FGF12: variants seen among roughly 807,000 people sequenced by gnomAD.
FGF12 encodes the protein fibroblast growth factor 12B.
In FGF12, 14 loss-of-function variants were observed where a neutral mutation model predicts 23.6. The ratio of observed to expected loss-of-function variants is 0.59; its 90% CI spans 0.39 to 0.93. The LOEUF (loss-of-function observed/expected upper bound fraction) is 0.93, where lower values mean the gene tolerates loss of function less well. Among genes scored for constraint, FGF12 ranks in the 40% least tolerant of loss-of-function variants. FGF12 has a pLI of 0.00. For synonymous variants in FGF12, 62 were observed against 77.3 expected (o/e 0.80, Z 1.04); for missense variants, 175 against 217.8 (o/e 0.80, Z 1.24).
chr3:192,430,819 C>G (rs2108790103), intron 2 of FGF12, among the ~76,000 whole-genome samples: 1 of 152,270 alleles, frequency 6.6e-6, no homozygotes, highest in South Asian at 2.1e-4. Flanking sequence ...GACATGACTC[C>G]TGTTGATACG....
chr3:192,452,884 C>T (rs900641912), intron 2 of FGF12, among the ~76,000 whole-genome samples: 1 of 152,184 alleles, frequency 6.6e-6, no homozygotes, highest in African/African-American at 2.4e-5. Flanking sequence ...CTTCACTATA[C>T]TTTCTTTGAC....
intron 4 of FGF12, among the ~76,000 whole-genome samples, chr3:192,277,407 A>G (rs539689055): frequency 6.6e-6 from 1 of 152,328 alleles, no homozygotes; most frequent in East Asian, 1.9e-4. Flanking sequence ...GTCCATATGC[A>G]TAACTGCTGT....
At chr3:192,368,154 T>C (rs983925171) in intron 2 of FGF12, among the ~76,000 whole-genome samples, 6 of 151,810 alleles carry the variant, frequency 4.0e-5, no homozygotes, top group Non-Finnish European at 5.9e-5. Context: ...CAGACTTTCA[T>C]GGGATGATTT....
intron 2 of FGF12, among the ~76,000 whole-genome samples, chr3:192,478,317 T>C (rs1472859653): frequency 1.3e-5 from 2 of 152,142 alleles, no homozygotes; most frequent in East Asian, 1.9e-4. Flanking sequence ...AATTTACTTA[T>C]AGTCTTACAG....
chr3:192,179,806 G>A (rs527580061), intron 4 of FGF12, among the ~76,000 whole-genome samples: 6 of 152,050 alleles, frequency 3.9e-5, no homozygotes, highest in African/African-American at 7.2e-5. Context: ...TTGGCCTCCC[G>A]GGGTGCTGGG....
chr3:192,642,641 A>T (rs1013439418), intron 2 of FGF12, among the ~76,000 whole-genome samples: 1 of 152,246 alleles, frequency 6.6e-6, no homozygotes. Context: ...AACTAAGATG[A>T]TCAAGTGAAA....
At chr3:192,702,891 C>T (rs977379269) in intron 2 of FGF12, among the ~76,000 whole-genome samples, 1 of 152,136 alleles carries the variant, frequency 6.6e-6, no homozygotes, top group Non-Finnish European at 1.5e-5. Context: ...TAACTATCCA[C>T]CTTAATTATT....
At chr3:192,617,483 A>G (rs1041587232) in intron 2 of FGF12, among the ~76,000 whole-genome samples, 1 of 152,072 alleles carries the variant, frequency 6.6e-6, no homozygotes, top group African/African-American at 2.4e-5. Flanking sequence ...CTCCAACTTG[A>G]CCATTCTGGT....
At chr3:192,719,970 G>T (rs1171560217) in intron 2 of FGF12, among the ~76,000 whole-genome samples, 1 of 152,212 alleles carries the variant, frequency 6.6e-6, no homozygotes, top group Non-Finnish European at 1.5e-5. Context: ...CCTGTTTCAC[G>T]TGGGTGATAA....
At position 192,158,447 on chromosome 3, in the gene FGF12, TTC is replaced by T. The variant is rs1714640734; in HGVS notation, c.427+12009_427+12010del. ...TTTTTCTTTTTTCTTTCTTTCTTTC[TTC>T]TTTTTTCTTGCTTTCTTGCTCTTTG... On this transcript the variant is annotated intron_variant, in intron 5 of 5. Coordinates refer to ENST00000445105, the MANE Select transcript of FGF12 (RefSeq NM_004113.6). Among the ~76,000 whole-genome samples, 4 of 118,836 alleles carry T rather than the reference TTC, an allele frequency of 3.4e-5. No individual in the cohort carries two copies. The South Asian group carries it at 1.2e-3, about 36-fold the overall frequency. 78.0% of individuals were successfully genotyped at this position (118,836 alleles called of 152,430 possible).
At chr3:192,503,644 C>T (rs1447900445) in intron 2 of FGF12, among the ~76,000 whole-genome samples, 10 of 140,290 alleles carry the variant, frequency 7.1e-5, no homozygotes, top group African/African-American at 2.2e-4. Context: ...CTCACTCTGT[C>T]ACCCAGGCTG....
chr3:192,517,882 A>G (rs1237146986), intron 2 of FGF12, among the ~76,000 whole-genome samples: 9 of 152,296 alleles, frequency 5.9e-5, no homozygotes, highest in African/African-American at 2.2e-4. Flanking sequence ...ACAATTAGGC[A>G]CACAGAGTAC....
intron 2 of FGF12, among the ~76,000 whole-genome samples, chr3:192,535,606 G>C (rs1725205851): frequency 6.6e-6 from 1 of 152,144 alleles, no homozygotes; most frequent in Admixed American, 6.6e-5. Flanking sequence ...AGAGAACAAG[G>C]ATAGCTGTAC....
At chr3:192,402,326 C>T (rs1244622515) in intron 2 of FGF12, among the ~76,000 whole-genome samples, 1 of 152,224 alleles carries the variant, frequency 6.6e-6, no homozygotes, top group East Asian at 1.9e-4. Flanking sequence ...GCAGGAACAT[C>T]CGAGCCAGGA....
chr3:192,402,373 T>A (rs1299901256), intron 2 of FGF12, among the ~76,000 whole-genome samples: 4 of 152,218 alleles, frequency 2.6e-5, no homozygotes, highest in Admixed American at 2.0e-4. Context: ...GCCATGGGAC[T>A]GCTTCTTCAG....
intron 5 of FGF12, among the ~76,000 whole-genome samples, chr3:192,165,241 C>T (rs1038593567): frequency 1.3e-5 from 2 of 151,926 alleles, no homozygotes; most frequent in African/African-American, 2.4e-5. Flanking sequence ...AGGTATGAGC[C>T]ACTGCGTCTG....
At position 192,664,594 on chromosome 3, in the gene FGF12, C is replaced by CAAAAAAAAAAAAAAAAAAA. The variant is rs1482447213; in HGVS notation, c.13+62586_13+62587insTTTTTTTTTTTTTTTTTTT. Among the ~76,000 whole-genome samples the CAAAAAAAAAAAAAAAAAAA allele has an allele frequency of 1.3e-3, 128 of 96,894 alleles. 14 individuals carry two copies. The highest frequency in any genetic ancestry group is 2.3e-3 in the African/African-American group (54 of 23,002). 63.6% of individuals were successfully genotyped at this position (96,894 alleles called of 152,430 possible). A position where few individuals can be genotyped will look rare whatever the true frequency, so the allele number is the denominator to read the frequency against. ...TGAAACCCTGTCTCTACTAAAAATA[C>CAAAAAAAAAAAAAAAAAAA]AAAAAAAATACAAAAAAAAAAAAAA... On this transcript the variant is annotated intron_variant, in intron 2 of 5. Transcript: ENST00000445105.
chr3:192,165,118 T>A (rs960801674), intron 5 of FGF12, among the ~76,000 whole-genome samples: 7 of 152,024 alleles, frequency 4.6e-5, no homozygotes, highest in Admixed American at 4.6e-4. Context: ...CACACCTGGC[T>A]AATTTTCATA....
intron 2 of FGF12, among the ~76,000 whole-genome samples, chr3:192,684,579 T>C (rs1201076861): frequency 1.3e-5 from 2 of 152,134 alleles, no homozygotes; most frequent in African/African-American, 2.4e-5. Context: ...AGAGGTGACA[T>C]ATGTTAAACT....
Sources: allele counts gnomAD v4.1 joint callset (sites outside exome capture counted in the v4.1 genomes callset), GRCh38; gene constraint gnomAD v4.1.1; transcripts MANE v1.5; gene names NCBI Gene and HGNC (gene_info 2026-07-23, HGNC 2026-07-21).